Variants in PUM1 observed in about 807,000 individuals in gnomAD.
PUM1 encodes the protein pumilio homolog 1.
In PUM1, 13 loss-of-function variants were observed where a neutral mutation model predicts 131.8. The observed-to-expected ratio is 0.10, with a 90% confidence interval of 0.06 to 0.16. The LOEUF (loss-of-function observed/expected upper bound fraction) is 0.16. Among genes scored for constraint, PUM1 ranks in the 10% least tolerant of loss-of-function variants. PUM1 has a pLI of 1.00. For synonymous variants in PUM1, 509 were observed against 556.5 expected, an observed-to-expected ratio of 0.91 and a Z score of 1.20; for missense variants, 961 against 1,512.4, an observed-to-expected ratio of 0.64 and a Z score of 6.05.
At chr1:30,991,085 G>A (rs1293215398) in intron 7 of PUM1, among the ~76,000 whole-genome samples, 3 of 150,904 alleles carry the variant, frequency 2.0e-5, no homozygotes, top group African/African-American at 7.3e-5. Context: ...AAAAAAGAGA[G>A]AACCATATAT....
intron 21 of PUM1, among the ~76,000 whole-genome samples, chr1:30,934,034 CA>C (rs1639092220): frequency 6.6e-6 from 1 of 152,190 alleles, no homozygotes; most frequent in Admixed American, 6.5e-5. Context: ...GGTTTCTCCC[CA>C]CTGTGCTCTC....
At chr1:31,009,949 T>C (rs1642546689) in intron 3 of PUM1, among the ~76,000 whole-genome samples, 1 of 152,098 alleles carries the variant, frequency 6.6e-6, no homozygotes, top group Non-Finnish European at 1.5e-5. Context: ...CTGTCACCTT[T>C]CATGATAGTA....
chr1:30,980,485 T>A (rs777496998), intron 8 of PUM1, among the ~76,000 whole-genome samples: 4 of 152,166 alleles, frequency 2.6e-5, no homozygotes, highest in South Asian at 2.1e-4. Flanking sequence ...AAGACTAATA[T>A]TAAAATGGGA....
rs1302470685 is a variant in PUM1 at position 30,936,848 on chromosome 1, A to G, written c.3243-13T>C. On this transcript the variant is annotated splice_polypyrimidine_tract_variant and intron_variant, in intron 20 of 21. Coordinates refer to ENST00000426105, the MANE Select transcript of PUM1 (RefSeq NM_001020658.2). ...CTCCACAACATTGCTGTAATGAGAT[A>G]AAACCAGGGACAACTCTTACAAGAG... is the stretch of plus-strand genomic sequence containing the variant. 1 of 1,588,182 alleles carries G rather than the reference A, an allele frequency of 6.3e-7. No individual in the cohort carries two copies. Among genetic ancestry groups the G allele is most frequent in the Non-Finnish European group, 8.6e-7 (1 of 1,161,014 alleles).
chr1:31,030,107 G>A (rs553813967), intron 2 of PUM1, among the ~76,000 whole-genome samples: 32 of 151,844 alleles, frequency 2.1e-4, no homozygotes, highest in Non-Finnish European at 4.4e-4. Flanking sequence ...ATCTCAGGAG[G>A]TTGAGGTGGG....
intron 7 of PUM1, among the ~76,000 whole-genome samples, chr1:30,982,320 A>C (rs2124470934): frequency 6.6e-6 from 1 of 152,348 alleles, no homozygotes; most frequent in Middle Eastern, 3.4e-3. Context: ...GGAACTAGGG[A>C]TATGACAGTC....
At position 31,059,513 on chromosome 1, in the gene PUM1, G is replaced by C; in HGVS notation, c.54C>G (p.Phe18Leu). Residue 18 changes from phenylalanine to leucine, a missense_variant, in exon 2 of 22, where the codon TTC becomes TTG. Transcript: ENST00000426105. ...GAGGGTGATGTTTCAGGTGGGGGCTGAAAGAGTCCTGCCAAAGCACTGCTT... is the reference window on the plus strand; with the variant it reads ...GAGGGTGATGTTTCAGGTGGGGGCTCAAAGAGTCCTGCCAAAGCACTGCTT... ...KRKAVLWQDS[F>L]SPHLKHHPQE... 1 of 1,614,152 alleles carries C rather than the reference G, an allele frequency of 6.2e-7. No individual in the cohort carries two copies. The highest frequency in any genetic ancestry group is 8.5e-7 in the Non-Finnish European group (1 of 1,180,014).
At chr1:31,021,949 TA>T (rs796740307) in intron 3 of PUM1, among the ~76,000 whole-genome samples, 234 of 144,640 alleles carry the variant, frequency 1.6e-3, no homozygotes, top group African/African-American at 5.0e-3. Flanking sequence ...TCACCCCATC[TA>T]AAAAAAAAAG....
intron 2 of PUM1, among the ~76,000 whole-genome samples, chr1:31,031,622 A>G (rs1643434727): frequency 6.6e-6 from 1 of 152,216 alleles, no homozygotes; most frequent in African/African-American, 2.4e-5. Flanking sequence ...GCCCCCTGGC[A>G]GTCAAAGGAA....
chr1:31,007,815 G>C (rs1303074827), intron 3 of PUM1, among the ~76,000 whole-genome samples: 1 of 152,186 alleles, frequency 6.6e-6, no homozygotes, highest in Non-Finnish European at 1.5e-5. Flanking sequence ...GCCAACATGA[G>C]AAGTTTATAC....
intron 2 of PUM1, among the ~76,000 whole-genome samples, chr1:31,052,178 A>T (rs10914256): frequency 1.3e-5 from 2 of 151,454 alleles, no homozygotes; most frequent in East Asian, 3.9e-4. Context: ...ACACCCGGCT[A>T]ATTTTTCATA....
At chr1:30,998,340 T>C (rs1642059436) in intron 5 of PUM1, among the ~76,000 whole-genome samples, 2 of 152,202 alleles carry the variant, frequency 1.3e-5, no homozygotes, top group Admixed American at 1.3e-4. Context: ...AAGTCTGTTA[T>C]TAAGAGATAG....
intron 3 of PUM1, among the ~76,000 whole-genome samples, chr1:31,007,465 G>A (rs1180672988): frequency 6.6e-6 from 1 of 152,156 alleles, no homozygotes; most frequent in Non-Finnish European, 1.5e-5. Flanking sequence ...GAAAAAGAAA[G>A]TATTTACAAC....
intron 12 of PUM1, 183 bp downstream of exon 12, chr1:30,966,984 C>A: frequency 1.8e-5 from 11 of 610,954 alleles, no homozygotes; most frequent in Non-Finnish European, 2.0e-5. Context: ...AACCCACCAA[C>A]CCCCCAACAA....
intron 2 of PUM1, among the ~76,000 whole-genome samples, chr1:31,058,038 C>T (rs1476743602): frequency 6.6e-6 from 1 of 151,600 alleles, no homozygotes; most frequent in East Asian, 1.9e-4. Context: ...GTAAAATATG[C>T]TATGATTCCC....
intron 2 of PUM1, among the ~76,000 whole-genome samples, chr1:31,029,913 CA>C (rs10592751): frequency 0.083 from 10,002 of 119,834 alleles, 375 homozygotes; most frequent in South Asian, 0.15. Context: ...GATCCTTTTT[CA>C]AAAAAAAAAA....
chr1:30,957,449 T>C (rs1474188605), intron 14 of PUM1, among the ~76,000 whole-genome samples: 4 of 152,104 alleles, frequency 2.6e-5, no homozygotes, highest in East Asian at 3.9e-4. Flanking sequence ...CAAACCACTA[T>C]AGCTCTGGGG....
chr1:30,944,827 T>C (rs1254320817), intron 18 of PUM1, among the ~76,000 whole-genome samples: 5 of 152,250 alleles, frequency 3.3e-5, no homozygotes, highest in African/African-American at 9.6e-5. Context: ...TTCATCCCAA[T>C]GTGAGCAGAC....
intron 14 of PUM1, among the ~76,000 whole-genome samples, chr1:30,964,294 G>A (rs1166111039): frequency 6.6e-6 from 1 of 152,060 alleles, no homozygotes; most frequent in African/African-American, 2.4e-5. Context: ...AGGAAATAAG[G>A]CAAAATATTA....
Sources: gnomAD v4.1 joint callset for allele counts (sites outside exome capture counted in the v4.1 genomes callset) on GRCh38, gnomAD v4.1.1 for gene constraint, MANE v1.5 for transcripts, NCBI Gene and HGNC (gene_info 2026-07-23, HGNC 2026-07-21) for gene names.